The following MRPS30 variants were observed in gnomAD, a reference collection of about 807,000 sequenced individuals.
MRPS30 encodes the protein mitochondrial ribosomal protein S30.
Under a neutral mutation model 43.8 loss-of-function variants are expected in MRPS30, and 42 were observed. That is an observed-to-expected ratio of 0.96 (90% CI 0.75 to 1.24). MRPS30 has a LOEUF of 1.24. Ranked by LOEUF, MRPS30 falls within the 50% of genes most tolerant of loss-of-function variation. The pLI, the probability that MRPS30 is intolerant of heterozygous loss-of-function variation, is 0.00. For missense variants in MRPS30, 638 were observed against 570.0 expected, an observed-to-expected ratio of 1.12 and a Z score of -1.22; for synonymous variants, 273 against 228.2, an observed-to-expected ratio of 1.20 and a Z score of -1.77.
chr5:44,811,314 T>C (rs572239511), intron 2 of MRPS30, among the ~76,000 whole-genome samples, 160 bp downstream of exon 2: 1 of 152,334 alleles, frequency 6.6e-6, no homozygotes, highest in East Asian at 1.9e-4. Flanking sequence ...CTTTTTAGCT[T>C]TTTAAATCTG....
rs1340409203 is a variant in MRPS30 at position 44,813,132 on chromosome 5, T to C, written c.880T>C (p.Tyr294His). 1 of 1,613,260 alleles carries C rather than the reference T, an allele frequency of 6.2e-7. No individual in the cohort carries two copies. The highest frequency in any genetic ancestry group is 8.5e-7 in the Non-Finnish European group (1 of 1,179,674). Residue 294 changes from tyrosine (Y) to histidine (H), a missense_variant, in exon 4 of 5, where the codon TAC (tyrosine) becomes CAC (histidine). Transcript: ENST00000507110. Reference sequence around the variant, plus strand: ...CTCAAAAACTGCAGATCCTTGCTGTTACGGTCACACCCAGTTTCATCTGTT... The same window carrying C: ...CTCAAAAACTGCAGATCCTTGCTGTCACGGTCACACCCAGTTTCATCTGTT... ...VGSKTADPCC[Y>H]GHTQFHLLPD...
At chr5:44,809,600 G>A (rs1328499595) in intron 1 of MRPS30, 37 bp downstream of exon 1, 1 of 1,534,644 alleles carries the variant, frequency 6.5e-7, no homozygotes, top group African/African-American at 1.4e-5. Flanking sequence ...GGAAGGGAGA[G>A]ATGGGGATTG....
chr5:44,813,299 T>A lies in MRPS30; in HGVS notation c.1030+17T>A. 1.9e-6 allele frequency: 3 copies of A among 1,550,514 alleles called. No individual in the cohort carries two copies. Among genetic ancestry groups the A allele is most frequent in the African/African-American group, 2.8e-5 (2 of 71,710 alleles). On this transcript the variant is annotated intron_variant, in intron 4 of 4. Transcript: ENST00000507110. ...TGTATCAAGGTAAAAATTAATTTTA[T>A]AGCATTTTCTTTGAAGGTATTTGTA...
intron 3 of MRPS30, among the ~76,000 whole-genome samples, 182 bp from the exon 4 acceptor site, chr5:44,812,924 G>C (rs1307804576): frequency 3.9e-5 from 6 of 152,012 alleles, no homozygotes; most frequent in African/African-American, 1.2e-4. Flanking sequence ...ATGCTTTCCT[G>C]TGAAATTTAA....
rs190648137 is a variant in MRPS30 at position 44,809,437 on chromosome 5, C to T, written c.475C>T (p.Arg159Cys). 37 of 1,613,664 alleles carry T rather than the reference C, an allele frequency of 2.3e-5. No homozygotes were observed. The Admixed American group carries it at 5.3e-4, about 23-fold the overall frequency. The stretch of plus-strand genomic sequence containing the variant: ...GCTGCAGGAGCACTTCTACCTGCGG[C>T]GCAGGCGGCGCGTGCACCGTTACGA... ...CLLQEHFYLR[R>C]RRRVHRYEES... Residue 159 changes from arginine (R) to cysteine (C), a missense_variant, in exon 1 of 5, where the codon CGC (arginine) becomes TGC (cysteine). Arg to Cys is a radical substitution (Grantham distance 180). Coordinates refer to ENST00000507110, the MANE Select transcript of MRPS30 (RefSeq NM_016640.4).
Position 44,809,224 on chromosome 5 carries a change from T to G in MRPS30, c.262T>G (p.Phe88Val), listed in dbSNP as rs1279390298. ...EKLRILTKMQFMKYMVYPQTF... is the reference protein window; with the variant it reads ...EKLRILTKMQVMKYMVYPQTF... Reference sequence around the variant, plus strand: ...GCTGCGAATCCTCACCAAGATGCAGTTTATGAAGTACATGGTTTACCCGCA... The same window carrying G: ...GCTGCGAATCCTCACCAAGATGCAGGTTATGAAGTACATGGTTTACCCGCA... Residue 88 changes from phenylalanine (F) to valine (V), a missense_variant, in exon 1 of 5, where the codon TTT becomes GTT. Physicochemically the swap from Phe to Val is conservative, Grantham distance 50. Coordinates refer to ENST00000507110, the MANE Select transcript of MRPS30 (RefSeq NM_016640.4). 6.2e-7 allele frequency: 1 copy of G among 1,613,582 alleles called. No individual in the cohort carries two copies. The highest frequency in any genetic ancestry group is 2.2e-5 in the East Asian group (1 of 44,872).
At chr5:44,814,860 G>T in intron 4 of MRPS30, 53 bp from the exon 5 acceptor site, 2 of 1,480,316 alleles carry the variant, frequency 1.4e-6, no homozygotes, top group Non-Finnish European at 1.8e-6. Flanking sequence ...TGATTGTTTT[G>T]TTTGGGTAAG....
rs1297585204 is a variant in MRPS30 at position 44,811,293 on chromosome 5, C to T, written c.747+139C>T. 4 of 951,724 alleles carry T rather than the reference C, an allele frequency of 4.2e-6. No individual in the cohort carries two copies. The East Asian group carries it at 7.7e-5, about 18-fold the overall frequency. 59.0% of individuals were successfully genotyped at this position (951,724 alleles called of 1,614,324 possible). A position where few individuals can be genotyped will look rare whatever the true frequency, so the allele number is the denominator to read the frequency against. ...CAAGTTTCCTTTTTGAAGACATCAC[C>T]TCTCAAAAATCTTTTTAGCTTTTTA... On this transcript the variant is annotated intron_variant, in intron 2 of 4. Transcript: ENST00000507110.
At position 44,811,978 on chromosome 5, in the gene MRPS30, C is replaced by A. The variant is rs1329507488; in HGVS notation, c.811C>A (p.Leu271Ile). The change falls in exon 3 of 5, where the codon CTT becomes ATT. Residue 271 changes from leucine to isoleucine, a missense_variant. Physicochemically the swap from Leu to Ile is conservative, Grantham distance 5. Transcript: ENST00000507110. ...IPTIKCKPDK[L>I]PLFKRQYENH... ...CACTATAAAATGTAAACCAGACAAA[C>A]TTCCATTATTCAAACGGCAGTATGA... The A allele has an allele frequency of 1.9e-6, 3 of 1,601,252 alleles. No homozygotes were observed. Among genetic ancestry groups the A allele is most frequent in the African/African-American group, 2.7e-5 (2 of 74,428 alleles).
In MRPS30 at chr5:44,809,448, C is replaced by G. The variant is rs773735684; in HGVS notation, c.486C>G (p.Arg162=). 3 of 1,613,846 alleles carry G rather than the reference C, an allele frequency of 1.9e-6. No homozygotes were observed. The highest frequency in any genetic ancestry group is 2.5e-6 in the Non-Finnish European group (3 of 1,180,002). ...QEHFYLRRRR[R]VHRYEESEVI... is the part of the protein sequence containing the mutation. ...ACTTCTACCTGCGGCGCAGGCGGCG[C>G]GTGCACCGTTACGAGGAGAGCGAGG... Residue 162 remains arginine, a synonymous_variant, in exon 1 of 5, where the codon CGC becomes CGG. Transcript: ENST00000507110.
chr5:44,812,310 GT>G (rs1305627832), intron 3 of MRPS30, among the ~76,000 whole-genome samples: 3 of 152,090 alleles, frequency 2.0e-5, no homozygotes, highest in Non-Finnish European at 4.4e-5. Flanking sequence ...TTTTTTAAAA[GT>G]AAAAACTTTT....
Position 44,809,117 on chromosome 5 carries a change from C to T in MRPS30, c.155C>T (p.Thr52Ile). 6.2e-6 allele frequency: 10 copies of T among 1,611,804 alleles called. No homozygotes were observed. Among genetic ancestry groups the T allele is most frequent in the Non-Finnish European group, 8.5e-6 (10 of 1,179,486 alleles). Residue 52 changes from threonine (T) to isoleucine (I), a missense_variant, in exon 1 of 5, where the codon ACA becomes ATA. Physicochemically the swap from Thr to Ile is moderately conservative, Grantham distance 89. Transcript: ENST00000507110. Reference sequence around the variant, plus strand: ...TACCCGCCGATTGTGGCCTCCATGACAGCCGACAGCAAAGCTGCACGGCTG... The same window carrying T: ...TACCCGCCGATTGTGGCCTCCATGATAGCCGACAGCAAAGCTGCACGGCTG... ...ARYPPIVASM[T>I]ADSKAARLRR... is the part of the protein sequence containing the mutation.
intron 1 of MRPS30, among the ~76,000 whole-genome samples, chr5:44,810,530 C>T (rs1742822115): frequency 6.6e-6 from 1 of 152,092 alleles, no homozygotes; most frequent in African/African-American, 2.4e-5. Flanking sequence ...CATGTTTTTT[C>T]CCTTCCCCAG....
intron 3 of MRPS30, among the ~76,000 whole-genome samples, chr5:44,812,646 ATTT>A (rs35118256): frequency 1.4e-5 from 2 of 147,152 alleles, no homozygotes; most frequent in Admixed American, 6.8e-5. Context: ...GTTGCTACTT[ATTT>A]TTTTTTTTTT....
At chr5:44,809,928 A>G (rs892259597) in intron 1 of MRPS30, 1 of 244,986 alleles carries the variant, frequency 4.1e-6, no homozygotes, top group African/African-American at 2.2e-5. Flanking sequence ...GTTCCACCAC[A>G]AAGCTGTGTG....
rs367987660 is a variant in MRPS30, at chr5:44,815,004, A to G, written c.1122A>G (p.Leu374=). The change falls in exon 5 of 5, where the codon CTA becomes CTG. Residue 374 remains leucine, a synonymous_variant. Transcript: ENST00000507110. ...ACTTTTCCTTTTTCTGCTACCAGCT[A>G]AATACTTTGGCACTGACTACACAAG... ...GKYFSFFCYQ[L]NTLALTTQAD... 1.9e-6 allele frequency: 3 copies of G among 1,613,616 alleles called. No homozygotes were observed. Among genetic ancestry groups the G allele is most frequent in the Non-Finnish European group, 2.5e-6 (3 of 1,179,686 alleles).
In MRPS30 at chr5:44,809,224, TTTATGAA is replaced by T. The variant is rs1742776821; in HGVS notation, c.263_269del (p.Phe88CysfsTer11). The T allele has an allele frequency of 2.5e-6, 4 of 1,613,464 alleles. No individual in the cohort carries two copies. The highest frequency in any genetic ancestry group is 3.4e-6 in the Non-Finnish European group (4 of 1,179,902). On this transcript the variant is annotated frameshift_variant, in exon 1 of 5. Coordinates refer to ENST00000507110, the MANE Select transcript of MRPS30 (RefSeq NM_016640.4). LOFTEE classifies it high-confidence loss of function. ...GCTGCGAATCCTCACCAAGATGCAG[TTTATGAA>T]GTACATGGTTTACCCGCAGACCTTC... is the stretch of plus-strand genomic sequence containing the variant.
intron 4 of MRPS30, 122 bp downstream of exon 4, chr5:44,813,404 A>G: frequency 1.2e-6 from 1 of 807,186 alleles, no homozygotes; most frequent in Non-Finnish European, 1.8e-6. Context: ...AAACTTTTGC[A>G]TTGGCACAAA....
rs1742893187 is a variant in MRPS30, at chr5:44,814,847, A to T, written c.1031-66A>T. 3.5e-6 allele frequency: 5 copies of T among 1,419,816 alleles called. No homozygotes were observed. In the Admixed American group the frequency reaches 8.4e-5, roughly 24 times the overall value. 88.0% of individuals were successfully genotyped at this position (1,419,816 alleles called of 1,614,324 possible). On this transcript the variant is annotated intron_variant, in intron 4 of 4. Transcript: ENST00000507110. Reference sequence around the variant, plus strand: ...GGTATTTGATACCCTCTAATGTCTAATGTGATTGTTTTGTTTGGGTAAGAT... The same window carrying T: ...GGTATTTGATACCCTCTAATGTCTATTGTGATTGTTTTGTTTGGGTAAGAT...
Sources: gnomAD v4.1 joint callset for allele counts (sites outside exome capture counted in the v4.1 genomes callset) on GRCh38, gnomAD v4.1.1 for gene constraint, MANE v1.5 for transcripts, NCBI Gene and HGNC (gene_info 2026-07-23, HGNC 2026-07-21) for gene names.